DMPK: variants seen among roughly 807,000 people sequenced by gnomAD.
The protein encoded by DMPK is myotonin-protein kinase.
Under a neutral mutation model 70.3 loss-of-function variants are expected in DMPK, and 32 were observed. The observed-to-expected ratio is 0.46, with a 90% CI of 0.34 to 0.61. The LOEUF is 0.61. DMPK is among the 20% of genes least tolerant of loss of function. The pLI, the probability that DMPK is intolerant of heterozygous loss-of-function variation, is 0.01. For missense variants in DMPK, 899 were observed against 886.0 expected (o/e 1.01, Z -0.19); for synonymous variants, 469 against 390.9 (o/e 1.20, Z -2.36).
chr19:45,777,364 A>C lies in DMPK; in HGVS notation c.1109T>G (p.Val370Gly). Reference protein sequence around the residue: ...GATDTCNFDLVEDGLTAMVSG... With the variant: ...GATDTCNFDLGEDGLTAMVSG... ...CACCATGGCAGTGAGCCCGTCCTCC[A>C]CCAAGTCGAAGTTGCATGTGTCGGT... is the stretch of plus-strand genomic sequence containing the variant. Residue 370 changes from valine to glycine, a missense_variant, in exon 8 of 15, where the codon GTG becomes GGG. Transcript: ENST00000291270. This position sits in a 1 kb window ranked among gnomAD's most constrained non-coding sequence, Gnocchi z 6.7. The C allele has an allele frequency of 1.2e-6, 2 of 1,603,062 alleles. No individual in the cohort carries two copies. The highest frequency in any genetic ancestry group is 4.5e-5 in the East Asian group (2 of 44,744).
Position 45,777,494 on chromosome 19 carries a change from G to A in DMPK, c.979C>T (p.Arg327Trp), listed in dbSNP as rs1212779753. 9.9e-6 allele frequency: 16 copies of A among 1,613,352 alleles called. No homozygotes were observed. The highest frequency in any genetic ancestry group is 4.5e-5 in the East Asian group (2 of 44,894). Reference protein sequence around the residue: ...LLCPPETRLGRGGAGDFRTHP... With the variant: ...LLCPPETRLGWGGAGDFRTHP... ...GTCCGGAAGTCGCCTGCTCCACCCC[G>A]GCCCAGCCGTGTCTCCGGGGGACAC... Residue 327 changes from arginine to tryptophan, a missense_variant, in exon 8 of 15, where the codon CGG becomes TGG. Coordinates refer to ENST00000291270, the MANE Select transcript of DMPK (RefSeq NM_004409.5). This position sits in a 1 kb window ranked among gnomAD's most constrained non-coding sequence, Gnocchi z 6.7.
chr19:45,779,872 G>A lies in DMPK; in HGVS notation c.161-3C>T. 2.5e-6 allele frequency: 4 copies of A among 1,611,266 alleles called. No homozygotes were observed. The highest frequency in any genetic ancestry group is 3.4e-6 in the Non-Finnish European group (4 of 1,178,630). On this transcript the variant is annotated splice_region_variant and splice_polypyrimidine_tract_variant and intron_variant, in intron 1 of 14. Transcript: ENST00000291270. ...AAGCCTCACCACGATGGGCTCCGCT[G>A]GGGGGGTGGTGGGGGAAAAGAACCG...
At chr19:45,770,905 G>A (rs1351933342) in intron 14 of DMPK, 66 bp downstream of exon 14, 35 of 1,221,736 alleles carry the variant, frequency 2.9e-5, no homozygotes, top group Non-Finnish European at 3.7e-5. Context: ...GCAGCTAAGC[G>A]GGTGGCAAGG....
Position 45,770,196 on chromosome 19 carries a change from T to A in DMPK, c.*292A>T. The A allele has an allele frequency of 1.6e-6, 1 of 639,580 alleles. No homozygotes were observed. 39.6% of individuals were successfully genotyped at this position (639,580 alleles called of 1,614,324 possible). ...CTGGCCGAAAGAAAGAAATGGTCTG[T>A]GATCCCCCCAGCAGCAGCAGCAGCA... On this transcript the variant is annotated 3_prime_UTR_variant, in exon 15 of 15. Coordinates refer to ENST00000291270, the MANE Select transcript of DMPK (RefSeq NM_004409.5).
At chr19:45,773,133 TC>T (rs1321782624) in intron 9 of DMPK, among the ~76,000 whole-genome samples, 7 of 152,210 alleles carry the variant, frequency 4.6e-5, no homozygotes, top group African/African-American at 1.7e-4. Context: ...TCTGGCCACC[TC>T]CACAGATGTG....
chr19:45,771,824 C>A lies in DMPK; in HGVS notation c.1449G>T (p.Gln483His). The A allele has an allele frequency of 6.4e-7, 1 of 1,571,744 alleles. No homozygotes were observed. Among genetic ancestry groups the A allele is most frequent in the Non-Finnish European group, 8.6e-7 (1 of 1,158,536 alleles). ...EALEEEVLTR[Q>H]SLSREMEAIR... ...TGGCCTCCATCTCCCGGCTCAGGCT[C>A]TGCCGGGTGAGCACCTCCTCCTCCA... Residue 483 changes from glutamine to histidine, a missense_variant, in exon 11 of 15, where the codon CAG becomes CAT. By Grantham distance (24) the Gln-to-His change is conservative. Around this residue, in one of 3 missense-constraint regions of DMPK, gnomAD observed 555 missense variants for 483.8 expected, o/e 1.15. Coordinates refer to ENST00000291270, the MANE Select transcript of DMPK (RefSeq NM_004409.5).
Position 45,780,265 on chromosome 19 carries a change from C to T in DMPK, c.161-396G>A, listed in dbSNP as rs963614016. On this transcript the variant is annotated intron_variant, in intron 1 of 14. Coordinates refer to ENST00000291270, the MANE Select transcript of DMPK (RefSeq NM_004409.5). ...TCAGGTGCAGCCAGGGCCCCACCCC[C>T]ACGTTCTCATGTAGAATGTCCTGGG... 4.0e-6 allele frequency: 6 copies of T among 1,508,250 alleles called. No homozygotes were observed. In the South Asian group the frequency reaches 7.8e-5, roughly 20 times the overall value. The allele number at this position is 1,508,250 out of a possible 1,614,324, so 93.4% of individuals were successfully genotyped here.
chr19:45,774,798 G>T, intron 9 of DMPK, 151 bp downstream of exon 9: 1 of 592,986 alleles, frequency 1.7e-6, no homozygotes, highest in South Asian at 2.1e-5. Context: ...GAAAATTTAA[G>T]GTCCTCCAAC....
chr19:45,772,291 C>A, intron 10 of DMPK: 1 of 360,808 alleles, frequency 2.8e-6, no homozygotes, highest in Non-Finnish European at 5.0e-6. Flanking sequence ...ATGATTCAGC[C>A]AAACTACCTT....
At chr19:45,771,325 G>A in intron 13 of DMPK, 25 bp downstream of exon 13, 5 of 1,581,194 alleles carry the variant, frequency 3.2e-6, no homozygotes, top group Non-Finnish European at 4.3e-6. Flanking sequence ...GCAGGTCTGA[G>A]GCAGGGGAAA....
chr19:45,770,636 G>C lies in DMPK; in HGVS notation c.1742C>G (p.Pro581Arg). 6.4e-7 allele frequency: 1 copy of C among 1,551,256 alleles called. No homozygotes were observed. The highest frequency in any genetic ancestry group is 8.7e-7 in the Non-Finnish European group (1 of 1,147,332). ...AAGCGCCTCCGATAGGCCAGGCCTA[G>C]GGACCTGCGGGGAGAGGGCGAGGTC... ...RRHLLLPARV[P>R]RPGLSEALSL... Residue 581 changes from proline to arginine, a missense_variant, in exon 15 of 15, where the codon CCT becomes CGT. By Grantham distance (103) the Pro-to-Arg change is moderately radical. Transcript: ENST00000291270.
chr19:45,782,304 G>A lies in DMPK; in HGVS notation c.49C>T (p.Pro17Ser). ...AGGGGCTCCAGCCCCAGGAAGCCCG[G>A]GTCCAACACCAGCTGCTGGAGCCGC... The part of the protein sequence containing the change: ...LRRLQQLVLD[P>S]GFLGLEPLLD... The change falls in exon 1 of 15, where the codon CCG becomes TCG. Residue 17 changes from proline (P) to serine (S), a missense_variant. Around this residue, in one of 3 missense-constraint regions of DMPK, gnomAD observed 149 missense variants for 142.5 expected, o/e 1.05. Coordinates refer to ENST00000291270, the MANE Select transcript of DMPK (RefSeq NM_004409.5). The A allele has an allele frequency of 6.3e-7, 1 of 1,593,302 alleles. No homozygotes were observed. The highest frequency in any genetic ancestry group is 1.1e-5 in the South Asian group (1 of 88,412).
chr19:45,775,139 T>C (rs1969710954), intron 8 of DMPK, 105 bp from the exon 9 acceptor site: 4 of 806,234 alleles, frequency 5.0e-6, no homozygotes, highest in Non-Finnish European at 8.1e-6. Flanking sequence ...AACTCAGGGC[T>C]TATCTAAAGT....
chr19:45,775,497 A>G lies in DMPK; in HGVS notation c.1147-463T>C, dbSNP rs1179381946. Reference sequence around the variant, plus strand: ...CCCAAAGTGCTGGGATTACAAATATAAGCCACTGTGCCCAGCCCAGTTCTG... The same window carrying G: ...CCCAAAGTGCTGGGATTACAAATATGAGCCACTGTGCCCAGCCCAGTTCTG... On this transcript the variant is annotated intron_variant, in intron 8 of 14. Transcript: ENST00000291270. Among the ~76,000 whole-genome samples, 2 of 62,418 alleles carry G rather than the reference A, an allele frequency of 3.2e-5. 1 individual carries two copies. Among genetic ancestry groups the G allele is most frequent in the African/African-American group, 9.9e-5 (2 of 20,190 alleles). 40.9% of individuals were successfully genotyped at this position (62,418 alleles called of 152,430 possible).
At chr19:45,776,326 G>C (rs1969772358) in intron 8 of DMPK, among the ~76,000 whole-genome samples, 1 of 118,560 alleles carries the variant, frequency 8.4e-6, no homozygotes, top group East Asian at 3.1e-4. Flanking sequence ...TGTATTTTTA[G>C]GAGAGATGGG....
chr19:45,778,393 A>C, intron 5 of DMPK, 100 bp downstream of exon 5: 2 of 1,493,880 alleles, frequency 1.3e-6, no homozygotes, highest in Non-Finnish European at 9.1e-7. Flanking sequence ...GGCCCCAACC[A>C]AGAAGGTCCC....
At position 45,777,444 on chromosome 19, in the gene DMPK, G is replaced by C. The variant is rs758484481; in HGVS notation, c.1029C>G (p.Asp343Glu). ...GCACGCTGTCCCGGAGACCATCCCA[G>C]TCGAGGCCAAAGAAGAAGGGATGTG... ...FRTHPFFFGL[D>E]WDGLRDSVPP... is the part of the protein sequence containing the mutation. The change falls in exon 8 of 15, where the codon GAC becomes GAG. Residue 343 changes from aspartate (D) to glutamate (E), a missense_variant. This residue lies in a region of DMPK where 555 missense variants were observed against 483.8 expected (regional missense o/e 1.15). Coordinates refer to ENST00000291270, the MANE Select transcript of DMPK (RefSeq NM_004409.5). This position sits in a 1 kb window ranked among gnomAD's most constrained non-coding sequence, Gnocchi z 6.7. The C allele has an allele frequency of 5.0e-6, 8 of 1,613,486 alleles. No individual in the cohort carries two copies. In the Admixed American group the frequency reaches 1.3e-4, roughly 27 times the overall value.
In DMPK at chr19:45,770,619, C is replaced by T; in HGVS notation, c.1759G>A (p.Glu587Lys). 6.4e-7 allele frequency: 1 copy of T among 1,552,678 alleles called. No homozygotes were observed. The highest frequency in any genetic ancestry group is 8.7e-7 in the Non-Finnish European group (1 of 1,148,170). Reference sequence around the variant, plus strand: ...GCGAACAGGAGCAGGGAAAGCGCCTCCGATAGGCCAGGCCTAGGGACCTGC... The same window carrying T: ...GCGAACAGGAGCAGGGAAAGCGCCTTCGATAGGCCAGGCCTAGGGACCTGC... ...PARVPRPGLSEALSLLLFAVV... is the reference protein window; with the variant it reads ...PARVPRPGLSKALSLLLFAVV... The change falls in exon 15 of 15, where the codon GAG (glutamate) becomes AAG (lysine). Residue 587 changes from glutamate to lysine, a missense_variant. Physicochemically the swap from Glu to Lys is moderately conservative, Grantham distance 56 (BLOSUM62 1). Around this residue, in one of 3 missense-constraint regions of DMPK, gnomAD observed 555 missense variants for 483.8 expected, o/e 1.15. Coordinates refer to ENST00000291270, the MANE Select transcript of DMPK (RefSeq NM_004409.5).
intron 9 of DMPK, among the ~76,000 whole-genome samples, chr19:45,772,974 G>C (rs563679367): frequency 4.6e-5 from 7 of 152,204 alleles, no homozygotes; most frequent in Non-Finnish European, 1.0e-4. Context: ...CCTGGGAGCT[G>C]CTCTTTCTAA....
Sources: gnomAD v4.1 joint callset for allele counts (sites outside exome capture counted in the v4.1 genomes callset) on GRCh38, gnomAD v4.1.1 for gene constraint, gnomAD v4.1.1 regional missense constraint, Gnocchi (gnomAD v3.1) non-coding constraint, MANE v1.5 for transcripts, NCBI Gene and HGNC (gene_info 2026-07-23, HGNC 2026-07-21) for gene names.